Variants in RNF150 observed in about 807,000 individuals in gnomAD.
The protein encoded by RNF150 is ring finger protein 150.
A neutral mutation model predicts 39.3 loss-of-function variants in RNF150; 24 were observed. That is an observed-to-expected ratio of 0.61 (90% CI 0.44 to 0.86). The LOEUF (loss-of-function observed/expected upper bound fraction) is 0.86, where lower values mean the gene tolerates loss of function less well. Among genes scored for constraint, RNF150 ranks in the 40% least tolerant of loss-of-function variants. The pLI is 0.00. For synonymous variants in RNF150, 255 were observed against 227.3 expected (o/e 1.12, Z -1.10); for missense variants, 502 against 587.8 (o/e 0.85, Z 1.51).
chr4:140,880,425 A>G (rs946743070), intron 6 of RNF150, among the ~76,000 whole-genome samples: 23 of 152,080 alleles, frequency 1.5e-4, no homozygotes, highest in African/African-American at 5.6e-4. Context: ...AGATTTTTGC[A>G]TCAATATTTA....
Position 140,994,768 on chromosome 4 carries a change from C to G in RNF150, c.485-26895G>C, listed in dbSNP as rs977812049. Among the ~76,000 whole-genome samples the G allele has an allele frequency of 1.2e-4, 19 of 152,202 alleles. 1 individual carries two copies. The highest frequency in any genetic ancestry group is 1.1e-3 in the Admixed American group (17 of 15,278). On this transcript the variant is annotated intron_variant, in intron 1 of 6. Coordinates refer to ENST00000515673, the MANE Select transcript of RNF150 (RefSeq NM_020724.2). ...CAGGAAGCATTTTCCACCCAAGTTG[C>G]TACGCCTCTGGTGTTCCCTGGACCA...
At chr4:140,890,354 C>T (rs890643661) in intron 6 of RNF150, among the ~76,000 whole-genome samples, 1 of 152,122 alleles carries the variant, frequency 6.6e-6, no homozygotes, top group Non-Finnish European at 1.5e-5. Context: ...GTCCTTTCCC[C>T]AACAGAGAAA....
chr4:140,910,609 T>G (rs1027162166), intron 6 of RNF150, among the ~76,000 whole-genome samples: 28 of 152,172 alleles, frequency 1.8e-4, no homozygotes, highest in African/African-American at 6.8e-4. Flanking sequence ...TCTAAAGGGA[T>G]GCCATTCACA....
chr4:141,163,748 C>T (rs1416914025), intron 1 of RNF150, among the ~76,000 whole-genome samples: 1 of 152,166 alleles, frequency 6.6e-6, no homozygotes, highest in African/African-American at 2.4e-5. Flanking sequence ...AAAGAGAAAA[C>T]AATAGCATCA....
intron 1 of RNF150, among the ~76,000 whole-genome samples, chr4:140,973,681 A>G (rs2111438907): frequency 6.6e-6 from 1 of 152,208 alleles, no homozygotes; most frequent in South Asian, 2.1e-4. Context: ...GTTAAAGACC[A>G]GCTTGACCAA....
At chr4:140,940,148 G>A (rs1164248901) in intron 4 of RNF150, among the ~76,000 whole-genome samples, 3 of 152,168 alleles carry the variant, frequency 2.0e-5, no homozygotes, top group Non-Finnish European at 2.9e-5. Flanking sequence ...GATCTGGGGT[G>A]CCTCCTCTCC....
At chr4:141,123,850 C>T (rs572172845) in intron 1 of RNF150, among the ~76,000 whole-genome samples, 1 of 152,150 alleles carries the variant, frequency 6.6e-6, no homozygotes, top group Non-Finnish European at 1.5e-5. Context: ...TGGTTTCCAG[C>T]TTCATCCATG....
intron 1 of RNF150, among the ~76,000 whole-genome samples, chr4:141,120,398 C>T (rs1726570131): frequency 6.6e-6 from 1 of 152,074 alleles, no homozygotes; most frequent in Non-Finnish European, 1.5e-5. Context: ...AGGGTGGTGA[C>T]TGGGTACTCT....
At position 140,863,949 on chromosome 4, in the gene RNF150, T is replaced by C. The variant is rs1313235768; in HGVS notation, c.*4312A>G. The C allele has an allele frequency of 7.7e-6, 1 of 129,044 alleles. No individual in the cohort carries two copies. The highest frequency in any genetic ancestry group is 1.7e-5 in the Non-Finnish European group (1 of 60,438). 8.0% of individuals were successfully genotyped at this position (129,044 alleles called of 1,614,324 possible). On this transcript the variant is annotated 3_prime_UTR_variant, in exon 7 of 7. Transcript: ENST00000515673. ...AACTCATAAATAAGAAAGAATCCTATGTTAGATCACTGGCATTGATTTGGT... is the reference window on the plus strand; with the variant it reads ...AACTCATAAATAAGAAAGAATCCTACGTTAGATCACTGGCATTGATTTGGT...
chr4:140,953,490 G>A (rs548038104), intron 2 of RNF150, among the ~76,000 whole-genome samples: 4 of 150,706 alleles, frequency 2.7e-5, no homozygotes, highest in Non-Finnish European at 5.9e-5. Context: ...CTTCTGAGAT[G>A]TATATGATGA....
intron 1 of RNF150, among the ~76,000 whole-genome samples, chr4:141,207,782 TA>T (rs1032595823): frequency 8.5e-5 from 13 of 152,168 alleles, no homozygotes; most frequent in African/African-American, 3.1e-4. Flanking sequence ...CATATAGAGA[TA>T]TGGATTCTAA....
chr4:141,025,484 C>T (rs879278645), intron 1 of RNF150, among the ~76,000 whole-genome samples: 1 of 150,834 alleles, frequency 6.6e-6, no homozygotes, highest in Non-Finnish European at 1.5e-5. Context: ...AAGACCCTTG[C>T]TTAAAAAAGT....
intron 1 of RNF150, among the ~76,000 whole-genome samples, chr4:141,179,554 AG>A (rs1348654210): frequency 6.6e-6 from 1 of 152,138 alleles, no homozygotes; most frequent in African/African-American, 2.4e-5. Flanking sequence ...ATTTCTATAC[AG>A]GCACTTTCAC....
At chr4:140,959,839 T>C (rs1732943765) in intron 2 of RNF150, among the ~76,000 whole-genome samples, 1 of 152,026 alleles carries the variant, frequency 6.6e-6, no homozygotes, top group Non-Finnish European at 1.5e-5. Context: ...AATGATATGA[T>C]TGCGGGAGAG....
intron 1 of RNF150, among the ~76,000 whole-genome samples, chr4:141,074,030 T>G (rs1247140439): frequency 6.6e-6 from 1 of 152,002 alleles, no homozygotes; most frequent in Non-Finnish European, 1.5e-5. Context: ...AGCAGAAGAA[T>G]TTGGTAGTTT....
chr4:141,069,551 C>G (rs368070562), intron 1 of RNF150, among the ~76,000 whole-genome samples: 4 of 148,512 alleles, frequency 2.7e-5, no homozygotes, highest in Non-Finnish European at 4.5e-5. Flanking sequence ...CCCGGCTTTG[C>G]TATCAGAATG....
intron 1 of RNF150, among the ~76,000 whole-genome samples, chr4:141,105,223 C>T: frequency 6.6e-6 from 1 of 152,076 alleles, no homozygotes; most frequent in East Asian, 1.9e-4. Context: ...GAATTAAAGG[C>T]TTTTTCCAAA....
intron 5 of RNF150, among the ~76,000 whole-genome samples, chr4:140,913,888 C>T (rs1730712850): frequency 6.6e-6 from 1 of 152,162 alleles, no homozygotes; most frequent in African/African-American, 2.4e-5. Flanking sequence ...ACTTGAAAAA[C>T]TGTAAAGTTC....
intron 1 of RNF150, among the ~76,000 whole-genome samples, chr4:140,991,587 C>T (rs1295391052): frequency 1.3e-5 from 2 of 152,100 alleles, no homozygotes; most frequent in African/African-American, 2.4e-5. Context: ...CACATTACAA[C>T]CATAAAACTT....
Sources: gnomAD v4.1 joint callset for allele counts (sites outside exome capture counted in the v4.1 genomes callset) on GRCh38, gnomAD v4.1.1 for gene constraint, MANE v1.5 for transcripts, NCBI Gene and HGNC (gene_info 2026-07-23, HGNC 2026-07-21) for gene names.